The following ERLIN2 variants were observed in gnomAD, a reference collection of about 807,000 sequenced individuals.
ERLIN2 encodes ER lipid raft associated 2.
Under a neutral mutation model 41.5 loss-of-function variants are expected in ERLIN2, and 22 were observed. The observed-to-expected ratio is 0.53, with a 90% confidence interval of 0.38 to 0.76. ERLIN2 has a LOEUF of 0.76. ERLIN2 is among the 30% of genes least tolerant of loss of function. The pLI is 0.00. For synonymous variants in ERLIN2, 149 were observed against 150.9 expected (o/e 0.99, Z 0.09); for missense variants, 247 against 414.3 (o/e 0.60, Z 3.51).
At chr8:37,752,652 C>A (rs949088335) in intron 10 of ERLIN2, among the ~76,000 whole-genome samples, 1 of 152,210 alleles carries the variant, frequency 6.6e-6, no homozygotes, top group African/African-American at 2.4e-5. Context: ...ACCTTTCTCC[C>A]AGGCATGTTG....
rs781746579 is a variant in ERLIN2 at position 37,754,049 on chromosome 8, G to A, written c.954G>A (p.Gly318=). The change falls in exon 12 of 12, where the codon GGG becomes GGA. Residue 318 remains glycine (G), a synonymous_variant. Coordinates refer to ENST00000519638, the MANE Select transcript of ERLIN2 (RefSeq NM_007175.8). ...SAGSVSKQFE[G]LADKLSFGLE... ...GCAGTGTGAGCAAGCAGTTTGAGGG[G>A]CTAGCTGACAAGCTAAGCTTTGGCT... The A allele has an allele frequency of 3.1e-5, 50 of 1,614,020 alleles. No individual in the cohort carries two copies. The highest frequency in any genetic ancestry group is 4.1e-5 in the Non-Finnish European group (48 of 1,180,006).
Position 37,754,109 on chromosome 8 carries a change from G to A in ERLIN2, c.1014G>A (p.Glu338=). Reference sequence around the variant, plus strand: ...AACCCTTGGAGACGGCCACTAAGGAGAATTGAAAAAAACTTGATATGACTG... The same window carrying A: ...AACCCTTGGAGACGGCCACTAAGGAAAATTGAAAAAAACTTGATATGACTG... ...EDEPLETATK[E]N is the part of the protein sequence containing the mutation. The change falls in exon 12 of 12, where the codon GAG becomes GAA. Residue 338 remains glutamate (E), a synonymous_variant. Coordinates refer to ENST00000519638, the MANE Select transcript of ERLIN2 (RefSeq NM_007175.8). 1 of 1,612,388 alleles carries A rather than the reference G, an allele frequency of 6.2e-7. No homozygotes were observed. Among genetic ancestry groups the A allele is most frequent in the Non-Finnish European group, 8.5e-7 (1 of 1,178,554 alleles).
chr8:37,740,352 C>A lies in ERLIN2; in HGVS notation c.108-13C>A. 1 of 1,606,984 alleles carries A rather than the reference C, an allele frequency of 6.2e-7. No individual in the cohort carries two copies. Among genetic ancestry groups the A allele is most frequent in the Non-Finnish European group, 8.5e-7 (1 of 1,174,610 alleles). Reference sequence around the variant, plus strand: ...CAAACTGAAGCTGCCTCTCTCTTCCCCCTCCTCTGCAGAGGCGGTGCCCTG... The same window carrying A: ...CAAACTGAAGCTGCCTCTCTCTTCCACCTCCTCTGCAGAGGCGGTGCCCTG... On this transcript the variant is annotated splice_polypyrimidine_tract_variant and intron_variant, in intron 2 of 11. Transcript: ENST00000519638.
intron 6 of ERLIN2, chr8:37,745,819 A>G (rs1261329945): frequency 6.6e-6 from 9 of 1,361,432 alleles, no homozygotes; most frequent in Non-Finnish European, 8.5e-6. Context: ...TTTTAAGAAA[A>G]AGTTGGTAAA....
intron 6 of ERLIN2, chr8:37,745,658 C>G (rs1166971586): frequency 2.5e-6 from 4 of 1,613,454 alleles, no homozygotes; most frequent in African/African-American, 1.3e-5. Flanking sequence ...TCATCCACAT[C>G]GCCAGCAATC....
intron 6 of ERLIN2, chr8:37,745,875 T>C: frequency 7.9e-7 from 1 of 1,272,810 alleles, no homozygotes. Context: ...TAGAATTTTA[T>C]AAAATATTAA....
intron 8 of ERLIN2, chr8:37,750,092 G>T: frequency 1.6e-6 from 1 of 630,532 alleles, no homozygotes; most frequent in Non-Finnish European, 2.8e-6. Flanking sequence ...AAAGGGCCAG[G>T]GGGCCTTGTT....
At chr8:37,740,605 TATAC>T in intron 3 of ERLIN2, 159 bp downstream of exon 3, 1 of 202,042 alleles carries the variant, frequency 4.9e-6, no homozygotes, top group Non-Finnish European at 9.3e-6. Flanking sequence ...TATATATATA[TATAC>T]ACACATACAC....
chr8:37,750,270 A>C, intron 8 of ERLIN2, 125 bp from the exon 9 acceptor site: 1 of 754,056 alleles, frequency 1.3e-6, no homozygotes, highest in Middle Eastern at 2.8e-4. Context: ...GGGCCATCGA[A>C]CAGCCTTCCA....
intron 6 of ERLIN2, among the ~76,000 whole-genome samples, chr8:37,748,246 A>T (rs1351660558): frequency 1.3e-5 from 2 of 152,212 alleles, no homozygotes; most frequent in African/African-American, 4.8e-5. Flanking sequence ...TGACAGATAT[A>T]ATTTGGTCTG....
intron 3 of ERLIN2, among the ~76,000 whole-genome samples, chr8:37,740,935 A>G (rs1802832185): frequency 6.6e-6 from 1 of 152,232 alleles, no homozygotes; most frequent in Non-Finnish European, 1.5e-5. Flanking sequence ...AAGTATGTCC[A>G]GCTAAGAAGA....
intron 9 of ERLIN2, 89 bp from the exon 10 acceptor site, chr8:37,751,537 G>C: frequency 9.0e-7 from 1 of 1,112,970 alleles, no homozygotes; most frequent in South Asian, 1.3e-5. Flanking sequence ...CAGACAAGCT[G>C]GCCCACCAGG....
chr8:37,750,271 C>T, intron 8 of ERLIN2, 124 bp from the exon 9 acceptor site: 1 of 756,990 alleles, frequency 1.3e-6, no homozygotes, highest in Non-Finnish European at 2.3e-6. Context: ...GGCCATCGAA[C>T]AGCCTTCCAG....
At chr8:37,747,860 G>C (rs753741492) in intron 6 of ERLIN2, 1 of 1,614,208 alleles carries the variant, frequency 6.2e-7, no homozygotes, top group Non-Finnish European at 8.5e-7. Flanking sequence ...GGCCTCATGG[G>C]CAATTTCTCT....
At chr8:37,744,240 C>T (rs1000930803) in intron 4 of ERLIN2, 115 bp from the exon 5 acceptor site, 27 of 928,724 alleles carry the variant, frequency 2.9e-5, no homozygotes, top group South Asian at 2.2e-4. Flanking sequence ...TCCAACTTCC[C>T]GTGAACTCTT....
chr8:37,752,211 G>C (rs569654748), intron 10 of ERLIN2, among the ~76,000 whole-genome samples: 1 of 152,304 alleles, frequency 6.6e-6, no homozygotes, highest in East Asian at 1.9e-4. Flanking sequence ...AGGAGCTGGA[G>C]AGAAAGGTTT....
At chr8:37,749,171 G>A (rs1188275335) in intron 6 of ERLIN2, among the ~76,000 whole-genome samples, 3 of 152,142 alleles carry the variant, frequency 2.0e-5, no homozygotes, top group Non-Finnish European at 4.4e-5. Flanking sequence ...CTTGGAAACT[G>A]TGAACCTTCC....
chr8:37,744,293 TG>T, intron 4 of ERLIN2, 61 bp from the exon 5 acceptor site: 1 of 1,376,648 alleles, frequency 7.3e-7, no homozygotes, highest in Non-Finnish European at 1.0e-6. Flanking sequence ...GCCATCACCC[TG>T]GGGGACTGCA....
intron 6 of ERLIN2, chr8:37,745,191 A>C (rs1802997619): frequency 2.2e-6 from 1 of 456,532 alleles, no homozygotes. Context: ...GCAACACTGA[A>C]TGGAGGGCCC....
Sources: allele counts gnomAD v4.1 joint callset (sites outside exome capture counted in the v4.1 genomes callset), GRCh38; gene constraint gnomAD v4.1.1; transcripts MANE v1.5; gene names NCBI Gene and HGNC (gene_info 2026-07-23, HGNC 2026-07-21).